PRKCA: variants seen among roughly 807,000 people sequenced by gnomAD.
PRKCA encodes the protein protein kinase C alpha.
In PRKCA, 27 loss-of-function variants were observed where a neutral mutation model predicts 87.0. That is an observed-to-expected ratio of 0.31 (90% CI 0.23 to 0.43). PRKCA has a LOEUF of 0.43. Ranked by LOEUF, PRKCA falls within the 20% of genes least tolerant of loss-of-function variation. The pLI, the probability that PRKCA is intolerant of heterozygous loss-of-function variation, is 1.00. For synonymous variants in PRKCA, 329 were observed against 311.1 expected, an observed-to-expected ratio of 1.06 and a Z score of -0.61; for missense variants, 518 against 852.3, an observed-to-expected ratio of 0.61 and a Z score of 4.88.
intron 2 of PRKCA, among the ~76,000 whole-genome samples, chr17:66,459,465 T>C (rs554643322): frequency 6.6e-6 from 1 of 152,366 alleles, no homozygotes; most frequent in African/African-American, 2.4e-5. Context: ...AAGTATATAG[T>C]AGAATCCCTC....
chr17:66,733,894 G>A (rs1448273582), intron 9 of PRKCA, among the ~76,000 whole-genome samples: 1 of 152,228 alleles, frequency 6.6e-6, no homozygotes, highest in Non-Finnish European at 1.5e-5. Flanking sequence ...GCAAGCTGCT[G>A]AAACTGGCTT....
intron 3 of PRKCA, among the ~76,000 whole-genome samples, chr17:66,570,788 A>G (rs900061393): frequency 2.6e-5 from 4 of 152,214 alleles, no homozygotes; most frequent in Non-Finnish European, 5.9e-5. Context: ...TTAAATTTCC[A>G]TTAGCAGATT....
At position 66,645,450 on chromosome 17, in the gene PRKCA, T is replaced by C. The variant is rs1160265154; in HGVS notation, c.468T>C (p.Thr156=). 2.5e-6 allele frequency: 4 copies of C among 1,614,174 alleles called. No homozygotes were observed. Among genetic ancestry groups the C allele is most frequent in the Middle Eastern group, 1.6e-4 (1 of 6,062 alleles). The change falls in exon 5 of 17, where the codon ACT becomes ACC. Residue 156 remains threonine (T), a synonymous_variant. Coordinates refer to ENST00000413366, the MANE Select transcript of PRKCA (RefSeq NM_002737.3). ...NVPSLCGMDH[T]EKRGRIYLKA... is the part of the protein sequence containing the mutation. ...CCAGCCTCTGCGGAATGGATCACAC[T>C]GAGAAGAGGGGGCGGATTTACCTAA...
Position 66,803,565 on chromosome 17 carries a change from C to T in PRKCA, c.1855-308C>T, listed in dbSNP as rs1975951310. 6.6e-6 allele frequency among the ~76,000 whole-genome samples: 1 copy of T among 152,200 alleles called. No individual in the cohort carries two copies. Among genetic ancestry groups the T allele is most frequent in the African/African-American group, 2.4e-5 (1 of 41,462 alleles). On this transcript the variant is annotated intron_variant, in intron 16 of 16. Coordinates refer to ENST00000413366, the MANE Select transcript of PRKCA (RefSeq NM_002737.3). The surrounding 1 kb of genome is among the most constrained non-coding windows in gnomAD (Gnocchi z 4.4). Reference sequence around the variant, plus strand: ...GTGCGTGGCTTCCGTGCTCTCAGCTCCGCTTGCTCGGTGAGGTGGACGTGA... The same window carrying T: ...GTGCGTGGCTTCCGTGCTCTCAGCTTCGCTTGCTCGGTGAGGTGGACGTGA...
intron 3 of PRKCA, among the ~76,000 whole-genome samples, chr17:66,517,786 A>T (rs9896956): frequency 0.5 from 76,069 of 151,988 alleles, 19,353 homozygotes; most frequent in East Asian, 0.76. Context: ...TGCAACTTCC[A>T]TGCTTGTGAC....
chr17:66,495,600 G>A lies in PRKCA; in HGVS notation c.206-601G>A, dbSNP rs548579363. Among the ~76,000 whole-genome samples the A allele has an allele frequency of 2.2e-5, 3 of 135,568 alleles. No homozygotes were observed. In the Admixed American group the frequency reaches 2.2e-4, roughly 10 times the overall value. The allele number at this position is 135,568 out of a possible 152,430, so 88.9% of individuals were successfully genotyped here. A position where few individuals can be genotyped will look rare whatever the true frequency, so the allele number is the denominator to read the frequency against. On this transcript the variant is annotated intron_variant, in intron 2 of 16. Coordinates refer to ENST00000413366, the MANE Select transcript of PRKCA (RefSeq NM_002737.3). ...GAGTTTCACTCTTGTTGCCCAGTCT[G>A]GAGTGCAGTGGCATGGATCTTGGCT...
At chr17:66,644,981 C>A (rs1041641632) in intron 4 of PRKCA, among the ~76,000 whole-genome samples, 15 of 151,038 alleles carry the variant, frequency 9.9e-5, no homozygotes, top group Non-Finnish European at 2.2e-4. Context: ...CAAAAGGAGA[C>A]CCTGTCTGAA....
intron 3 of PRKCA, among the ~76,000 whole-genome samples, chr17:66,546,059 T>C (rs35464730): frequency 0.088 from 13,361 of 152,284 alleles, 636 homozygotes; most frequent in South Asian, 0.17. Flanking sequence ...AAAACGAGTT[T>C]CATATAGACA....
intron 5 of PRKCA, among the ~76,000 whole-genome samples, chr17:66,647,924 T>TTAATAA (rs141793675): frequency 6.6e-5 from 10 of 151,844 alleles, no homozygotes; most frequent in East Asian, 1.9e-4. Flanking sequence ...GCAAGTTTAA[T>TTAATAA]TAATAATAAT....
intron 5 of PRKCA, among the ~76,000 whole-genome samples, chr17:66,680,311 C>T (rs1022163470): frequency 1.3e-5 from 2 of 152,176 alleles, no homozygotes; most frequent in Admixed American, 6.5e-5. Flanking sequence ...TGTTTACTCT[C>T]GCTTTTGCTG....
At chr17:66,368,377 TA>T in intron 2 of PRKCA, among the ~76,000 whole-genome samples, 1 of 33,920 alleles carries the variant, frequency 2.9e-5, no homozygotes, top group Non-Finnish European at 7.9e-5. Context: ...TATATATATA[TA>T]TATATATATT....
At chr17:66,787,526 T>C (rs988044176) in intron 15 of PRKCA, among the ~76,000 whole-genome samples, 1 of 152,246 alleles carries the variant, frequency 6.6e-6, no homozygotes, top group African/African-American at 2.4e-5. Context: ...TTACTTGGTG[T>C]GACTTAGTTC....
Position 66,533,704 on chromosome 17 carries a change from C to A in PRKCA, c.288+37421C>A, listed in dbSNP as rs535478268. On this transcript the variant is annotated intron_variant, in intron 3 of 16. Coordinates refer to ENST00000413366, the MANE Select transcript of PRKCA (RefSeq NM_002737.3). ...GAGGAGACTGTCCAGGCTGCCGCCC[C>A]CACTGGCCAGGCAGACCCCGTTCCT... is the stretch of plus-strand genomic sequence containing the variant. Among the ~76,000 whole-genome samples, 90 of 140,418 alleles carry A rather than the reference C, an allele frequency of 6.4e-4. 1 individual carries two copies. The South Asian group carries it at 0.017, about 27-fold the overall frequency. The allele number at this position is 140,418 out of a possible 152,430, so 92.1% of individuals were successfully genotyped here.
chr17:66,767,230 A>G (rs535294552), intron 13 of PRKCA, among the ~76,000 whole-genome samples: 4 of 152,336 alleles, frequency 2.6e-5, no homozygotes, highest in African/African-American at 9.6e-5. Context: ...TGTGACTTCA[A>G]GTGAAATGAT....
intron 4 of PRKCA, among the ~76,000 whole-genome samples, chr17:66,642,267 C>G (rs2143804448): frequency 6.6e-6 from 1 of 152,044 alleles, no homozygotes; most frequent in East Asian, 1.9e-4. Flanking sequence ...GTAGCTGGGA[C>G]TACAGGCCCC....
intron 2 of PRKCA, among the ~76,000 whole-genome samples, chr17:66,402,094 G>C (rs998337068): frequency 6.6e-6 from 1 of 152,178 alleles, no homozygotes; most frequent in African/African-American, 2.4e-5. Context: ...AGAGGGAGTC[G>C]TGTCTCAGGG....
At chr17:66,573,280 G>C (rs187264654) in intron 3 of PRKCA, among the ~76,000 whole-genome samples, 1 of 152,204 alleles carries the variant, frequency 6.6e-6, no homozygotes, top group African/African-American at 2.4e-5. Flanking sequence ...CATTGCAAGA[G>C]TGAAAACGAG....
intron 2 of PRKCA, among the ~76,000 whole-genome samples, chr17:66,345,980 C>T (rs1180283069): frequency 6.6e-6 from 1 of 152,086 alleles, no homozygotes; most frequent in Non-Finnish European, 1.5e-5. Flanking sequence ...AACATAATGT[C>T]CATGAGGGCA....
intron 5 of PRKCA, among the ~76,000 whole-genome samples, chr17:66,682,668 A>G (rs545667485): frequency 6.6e-6 from 1 of 152,106 alleles, no homozygotes; most frequent in African/African-American, 2.4e-5. Context: ...TTAAAAAAAA[A>G]CTCATTTTCA....
Sources: gnomAD v4.1 joint callset for allele counts (sites outside exome capture counted in the v4.1 genomes callset) on GRCh38, gnomAD v4.1.1 for gene constraint, Gnocchi (gnomAD v3.1) non-coding constraint, MANE v1.5 for transcripts, NCBI Gene and HGNC (gene_info 2026-07-23, HGNC 2026-07-21) for gene names.